KIRREL2: variants seen among roughly 807,000 people sequenced by gnomAD.
KIRREL2 encodes kirre like nephrin family adhesion molecule 2, also known as kin of IRRE-like protein 2.
In KIRREL2, 56 loss-of-function variants were observed where a neutral mutation model predicts 73.4. The ratio of observed to expected loss-of-function variants is 0.76; its 90% confidence interval spans 0.62 to 0.95. KIRREL2 has a LOEUF of 0.95. Among genes scored for constraint, KIRREL2 ranks in the 40% least tolerant of loss-of-function variants. The pLI is 0.00. For missense variants in KIRREL2, 896 were observed against 935.0 expected, an observed-to-expected ratio of 0.96 and a Z score of 0.54; for synonymous variants, 407 against 404.0, an observed-to-expected ratio of 1.01 and a Z score of -0.09.
At chr19:35,865,459 A>G (rs1973928451) in intron 14 of KIRREL2, among the ~76,000 whole-genome samples, 1 of 152,070 alleles carries the variant, frequency 6.6e-6, no homozygotes, top group Non-Finnish European at 1.5e-5. Context: ...CCGACATGCC[A>G]TTCTCTTGGC....
chr19:35,863,138 A>T (rs936261965), intron 13 of KIRREL2, 102 bp downstream of exon 13: 3 of 680,976 alleles, frequency 4.4e-6, no homozygotes, highest in Non-Finnish European at 7.7e-6. Context: ...AAGGCCAGGC[A>T]TGGTGCCTGA....
chr19:35,866,359 C>A lies in KIRREL2; in HGVS notation c.1994C>A (p.Pro665His). Reference protein sequence around the residue: ...YRARAGYLTTPHPRAFTSYIK... With the variant: ...YRARAGYLTTHHPRAFTSYIK... ...GCCAGGGCAGGCTATCTCACCACAC[C>A]CCACCCTCGAGCTTTCACCAGCTAC... Residue 665 changes from proline to histidine, a missense_variant, in exon 15 of 15, where the codon CCC becomes CAC. Pro to His is a moderately conservative substitution (Grantham distance 77). Coordinates refer to ENST00000360202, the MANE Select transcript of KIRREL2 (RefSeq NM_199180.4). 6.2e-7 allele frequency: 1 copy of A among 1,613,268 alleles called. No homozygotes were observed. Among genetic ancestry groups the A allele is most frequent in the Non-Finnish European group, 8.5e-7 (1 of 1,179,300 alleles).
upstream of KIRREL2, chr19:35,851,505 T>C: frequency 6.2e-7 from 1 of 1,613,722 alleles, no homozygotes; most frequent in Non-Finnish European, 8.5e-7. Flanking sequence ...CCTGGGATCC[T>C]GGGGTCGGGG....
chr19:35,866,126 A>T (rs1331909086), intron 14 of KIRREL2, 31 bp from the exon 15 acceptor site: 1 of 1,583,450 alleles, frequency 6.3e-7, no homozygotes, highest in Non-Finnish European at 8.5e-7. Context: ...GCACGCTCAC[A>T]GACTTTACTG....
Position 35,866,799 on chromosome 19 carries a change from G to A in KIRREL2, c.*307G>A, listed in dbSNP as rs1049590165. ...CAGTGGGTGTTGGGAGTTTGGGGCC[G>A]GGATGGAAGTTGTTTCTAGCCACTG... On this transcript the variant is annotated 3_prime_UTR_variant, in exon 15 of 15. Transcript: ENST00000360202. 1.8e-5 allele frequency: 9 copies of A among 503,288 alleles called. No individual in the cohort carries two copies. Among genetic ancestry groups the A allele is most frequent in the Middle Eastern group, 5.0e-4 (1 of 2,006 alleles). 31.2% of individuals were successfully genotyped at this position (503,288 alleles called of 1,614,324 possible). A position where few individuals can be genotyped will look rare whatever the true frequency, so the allele number is the denominator to read the frequency against.
Position 35,860,484 on chromosome 19 carries a change from C to T in KIRREL2, c.780-35C>T, listed in dbSNP as rs202016935. On this transcript the variant is annotated intron_variant, in intron 6 of 14. Transcript: ENST00000360202. Reference sequence around the variant, plus strand: ...GACCTGAGTAGGTGTGCCAGAGAGGCCAGGACAACGTTAACAGCGCCACCA... The same window carrying T: ...GACCTGAGTAGGTGTGCCAGAGAGGTCAGGACAACGTTAACAGCGCCACCA... 15 of 1,602,898 alleles carry T rather than the reference C, an allele frequency of 9.4e-6. No individual in the cohort carries two copies. The Admixed American group carries it at 2.3e-4, about 25-fold the overall frequency.
Position 35,866,741 on chromosome 19 carries a change from AG to A in KIRREL2, c.*251del. 1 of 586,230 alleles carries A rather than the reference AG, an allele frequency of 1.7e-6. No homozygotes were observed. The highest frequency in any genetic ancestry group is 3.0e-6 in the Non-Finnish European group (1 of 336,646). The allele number at this position is 586,230 out of a possible 1,614,324, so 36.3% of individuals were successfully genotyped here. On this transcript the variant is annotated 3_prime_UTR_variant, in exon 15 of 15. Coordinates refer to ENST00000360202, the MANE Select transcript of KIRREL2 (RefSeq NM_199180.4). ...CGGTGTAAAAGAGATTCAAGATGGC[AG>A]GTAGGCCCTTTGAGGAGAGATGGGG...
Position 35,859,442 on chromosome 19 carries a change from A to C in KIRREL2, c.523-39A>C, listed in dbSNP as rs778796118. 3.8e-6 allele frequency: 6 copies of C among 1,597,604 alleles called. No individual in the cohort carries two copies. The Admixed American group carries it at 8.4e-5, about 22-fold the overall frequency. On this transcript the variant is annotated intron_variant, in intron 4 of 14. Transcript: ENST00000360202. Reference sequence around the variant, plus strand: ...AAAGCCAAAAGATTGGACACCCCTGATGGGTAGATGGCATTATTATTCTTA... The same window carrying C: ...AAAGCCAAAAGATTGGACACCCCTGCTGGGTAGATGGCATTATTATTCTTA...
rs1266225771 is a variant in KIRREL2, at chr19:35,864,636, T to C, written c.1726-12T>C. The C allele has an allele frequency of 6.2e-7, 1 of 1,610,216 alleles. No individual in the cohort carries two copies. Among genetic ancestry groups the C allele is most frequent in the Non-Finnish European group, 8.5e-7 (1 of 1,176,806 alleles). The stretch of plus-strand genomic sequence containing the variant: ...CTCTGACTATTCCCTCTCACTAAGT[T>C]CCCTACCCCAGGGCCCCATTGTGCA... On this transcript the variant is annotated splice_polypyrimidine_tract_variant and intron_variant, in intron 13 of 14. Coordinates refer to ENST00000360202, the MANE Select transcript of KIRREL2 (RefSeq NM_199180.4).
At chr19:35,855,020 C>T (rs1046660013), upstream of KIRREL2, among the ~76,000 whole-genome samples, 1 of 152,166 alleles carries the variant, frequency 6.6e-6, no homozygotes, top group Non-Finnish European at 1.5e-5. Flanking sequence ...TGCTAGTTTT[C>T]TCCCTACCTC....
chr19:35,863,766 T>C (rs912472615), intron 13 of KIRREL2, among the ~76,000 whole-genome samples: 1 of 150,252 alleles, frequency 6.7e-6, no homozygotes, highest in Non-Finnish European at 1.5e-5. Flanking sequence ...GGCTCAAGTC[T>C]TTTTTTTTCT....
chr19:35,864,485 G>A (rs1005391742), intron 13 of KIRREL2, among the ~76,000 whole-genome samples, 163 bp from the exon 14 acceptor site: 1 of 152,060 alleles, frequency 6.6e-6, no homozygotes, highest in Admixed American at 6.6e-5. Context: ...CCACTGTGCT[G>A]GCTTCTTACA....
In KIRREL2 at chr19:35,862,944, G is replaced by A; in HGVS notation, c.1633G>A (p.Glu545Lys). Residue 545 changes from glutamate to lysine, a missense_variant, in exon 13 of 15, where the codon GAG (glutamate) becomes AAG (lysine). Coordinates refer to ENST00000360202, the MANE Select transcript of KIRREL2 (RefSeq NM_199180.4). ...TTTGTCAGCCTCAGCCTCTTTCTCC[G>A]AGCAAAAGAACCTGATGCGAATCCC... ...RHSKASASFSEQKNLMRIPGS... is the reference protein window; with the variant it reads ...RHSKASASFSKQKNLMRIPGS... 3.8e-6 allele frequency: 6 copies of A among 1,574,650 alleles called. No homozygotes were observed. Among genetic ancestry groups the A allele is most frequent in the Non-Finnish European group, 5.2e-6 (6 of 1,159,212 alleles).
intron 5 of KIRREL2, 69 bp from the exon 6 acceptor site, chr19:35,860,228 T>C: frequency 7.6e-7 from 1 of 1,308,420 alleles, no homozygotes; most frequent in East Asian, 2.3e-5. Flanking sequence ...AACCAGGGAC[T>C]GGACACCTAG....
At chr19:35,858,974 T>A in intron 4 of KIRREL2, 110 bp downstream of exon 4, 1 of 1,242,428 alleles carries the variant, frequency 8.0e-7, no homozygotes, top group Non-Finnish European at 1.2e-6. Context: ...CAGAGGTTCA[T>A]GGGTTTGGAC....
upstream of KIRREL2, chr19:35,856,751 C>T (rs1973437612): frequency 1.8e-5 from 7 of 395,758 alleles, no homozygotes; most frequent in Non-Finnish European, 3.3e-5. This position sits in a 1 kb window ranked among gnomAD's most constrained non-coding sequence, Gnocchi z 5.9. Flanking sequence ...GCTCCCAGAC[C>T]CCAATTGAGC....
At chr19:35,858,601 G>C in intron 3 of KIRREL2, 44 bp downstream of exon 3, 1 of 1,612,154 alleles carries the variant, frequency 6.2e-7, no homozygotes, top group Non-Finnish European at 8.5e-7. Context: ...CAAGAGGGCA[G>C]CCCGTACTAG....
chr19:35,857,079 A>G lies in KIRREL2; in HGVS notation c.-41A>G. 2 of 1,609,092 alleles carry G rather than the reference A, an allele frequency of 1.2e-6. No individual in the cohort carries two copies. Among genetic ancestry groups the G allele is most frequent in the Non-Finnish European group, 1.7e-6 (2 of 1,175,598 alleles). ...GCTTGAGAGGAAGAAGTTGACGGGA[A>G]GGCCAGTGCGACGGCAAATCTCGTG... On this transcript the variant is annotated 5_prime_UTR_variant, in exon 1 of 15. Transcript: ENST00000360202.
At chr19:35,853,623 C>A (rs1255484960), upstream of KIRREL2, among the ~76,000 whole-genome samples, 1 of 152,104 alleles carries the variant, frequency 6.6e-6, no homozygotes, top group Admixed American at 6.6e-5. Context: ...CCTGCCTCAG[C>A]CTCCTGAATA....
Sources: gnomAD v4.1 joint callset for allele counts (sites outside exome capture counted in the v4.1 genomes callset) on GRCh38, gnomAD v4.1.1 for gene constraint, Gnocchi (gnomAD v3.1) non-coding constraint, MANE v1.5 for transcripts, NCBI Gene and HGNC (gene_info 2026-07-23, HGNC 2026-07-21) for gene names.